The following UMAD1 variants were observed in gnomAD, a reference collection of about 807,000 sequenced individuals.
The protein encoded by UMAD1 is UBAP1-MVB12-associated (UMA)-domain containing protein 1.
UMAD1 carries 8 observed loss-of-function variants against 6.1 expected under a neutral mutation model. The ratio of observed to expected loss-of-function variants is 1.30; its 90% CI spans 0.76 to 2.35. The LOEUF (loss-of-function observed/expected upper bound fraction) is 2.35. Ranked by LOEUF, UMAD1 falls within the 30% of genes most tolerant of loss-of-function variation. The pLI is 0.00. For missense variants in UMAD1, 130 were observed against 78.4 expected (o/e 1.66, Z -2.49); for synonymous variants, 56 against 31.4 (o/e 1.78, Z -2.61).
intron 3 of UMAD1, among the ~76,000 whole-genome samples, chr7:7,811,080 C>T (rs1393884359): frequency 6.6e-6 from 1 of 152,152 alleles, no homozygotes; most frequent in Non-Finnish European, 1.5e-5. Flanking sequence ...CATATTTTCC[C>T]CCGCAAAAGT....
intron 2 of UMAD1, among the ~76,000 whole-genome samples, chr7:7,674,604 C>G (rs945961503): frequency 5.3e-5 from 8 of 152,134 alleles, no homozygotes; most frequent in African/African-American, 1.4e-4. Flanking sequence ...AGTCTTTGAC[C>G]AGGGCTGATG....
At chr7:7,814,140 C>G (rs1010547042) in intron 3 of UMAD1, among the ~76,000 whole-genome samples, 1 of 152,042 alleles carries the variant, frequency 6.6e-6, no homozygotes, top group African/African-American at 2.4e-5. Flanking sequence ...CCCAACACCA[C>G]GCCCAGCTAA....
chr7:7,807,082 C>G (rs941125776), intron 3 of UMAD1, among the ~76,000 whole-genome samples: 2 of 152,108 alleles, frequency 1.3e-5, no homozygotes, highest in African/African-American at 4.8e-5. Context: ...CCCAGTGACT[C>G]TGACTTACTG....
chr7:7,815,302 A>G (rs957430717), intron 3 of UMAD1, among the ~76,000 whole-genome samples: 17 of 152,172 alleles, frequency 1.1e-4, no homozygotes, highest in South Asian at 2.1e-4. Flanking sequence ...TTGTATGTCT[A>G]TATACACAGT....
chr7:7,789,569 C>T (rs1172894149), intron 2 of UMAD1, among the ~76,000 whole-genome samples: 2 of 151,314 alleles, frequency 1.3e-5, no homozygotes, highest in Non-Finnish European at 2.9e-5. Context: ...TACAACAGAT[C>T]TCTAGAACTA....
At chr7:7,861,022 C>G (rs1784106992) in intron 3 of UMAD1, among the ~76,000 whole-genome samples, 1 of 151,900 alleles carries the variant, frequency 6.6e-6, no homozygotes, top group African/African-American at 2.4e-5. Flanking sequence ...TTGTATGGTT[C>G]CATTTATATA....
intron 2 of UMAD1, among the ~76,000 whole-genome samples, chr7:7,728,838 T>C (rs1231458426): frequency 2.0e-5 from 3 of 152,178 alleles, no homozygotes; most frequent in Non-Finnish European, 4.4e-5. Flanking sequence ...TATTCAACAA[T>C]ATTTATAGTG....
chr7:7,737,984 A>G lies in UMAD1; in HGVS notation c.83-63686A>G, dbSNP rs115089228. On this transcript the variant is annotated intron_variant, in intron 2 of 3. Transcript: ENST00000682710. ...AGTGTCACTAAAACTTTGTCCTGCT[A>G]GTCACCTTAAAACAGACAGCATAAC... Among the ~76,000 whole-genome samples the G allele has an allele frequency of 9.6e-3, 1,465 of 152,348 alleles. 26 individuals carry two copies. The highest frequency in any genetic ancestry group is 0.034 in the African/African-American group (1,404 of 41,588).
chr7:7,670,383 A>G lies in UMAD1; in HGVS notation c.-63-2926A>G, dbSNP rs761070621. Among the ~76,000 whole-genome samples, 4 of 152,168 alleles carry G rather than the reference A, an allele frequency of 2.6e-5. No homozygotes were observed. In the South Asian group the frequency reaches 8.3e-4, roughly 32 times the overall value. On this transcript the variant is annotated intron_variant, in intron 1 of 3. Coordinates refer to ENST00000682710, the MANE Select transcript of UMAD1 (RefSeq NM_001302348.2). ...TATACAAAAGTTCTTGTAGCACTCT[A>G]ATGGCATGTGGCACAGTGAACAAGG...
chr7:7,861,061 GA>G (rs1199925959), intron 3 of UMAD1, among the ~76,000 whole-genome samples: 7 of 152,108 alleles, frequency 4.6e-5, no homozygotes, highest in African/African-American at 1.7e-4. Context: ...AATATATAGA[GA>G]CAAAAAGTGT....
intron 2 of UMAD1, chr7:7,689,308 T>A (rs1780116787): frequency 6.6e-6 from 1 of 152,170 alleles, no homozygotes; most frequent in Admixed American, 6.5e-5. Flanking sequence ...TGATGATGTT[T>A]TATCTATCAT....
intron 2 of UMAD1, among the ~76,000 whole-genome samples, chr7:7,713,475 C>T (rs986859537): frequency 6.6e-6 from 1 of 151,972 alleles, no homozygotes; most frequent in Admixed American, 6.5e-5. Flanking sequence ...CTCCTCCCCC[C>T]CATGGCAATA....
chr7:7,777,583 A>G, intron 2 of UMAD1, among the ~76,000 whole-genome samples: 1 of 143,696 alleles, frequency 7.0e-6, no homozygotes, highest in Non-Finnish European at 1.5e-5. Context: ...AAATATATAT[A>G]TATATATATA....
At chr7:7,721,698 T>G (rs1020850229) in intron 2 of UMAD1, among the ~76,000 whole-genome samples, 19 of 152,294 alleles carry the variant, frequency 1.2e-4, no homozygotes, top group South Asian at 2.1e-4. Flanking sequence ...TGATCTTTTT[T>G]GTGATTGTCC....
intron 2 of UMAD1, among the ~76,000 whole-genome samples, chr7:7,697,951 A>T (rs1452057379): frequency 6.6e-6 from 1 of 152,156 alleles, no homozygotes; most frequent in Non-Finnish European, 1.5e-5. Context: ...TGAAATAAAA[A>T]CTTTGGGGAG....
chr7:7,731,879 G>A (rs1322298811), intron 2 of UMAD1, among the ~76,000 whole-genome samples: 1 of 152,134 alleles, frequency 6.6e-6, no homozygotes, highest in Non-Finnish European at 1.5e-5. Flanking sequence ...TGGCTTTGAA[G>A]TTTATTTCCT....
chr7:7,659,298 A>G (rs1302786380), intron 1 of UMAD1, among the ~76,000 whole-genome samples: 5 of 148,776 alleles, frequency 3.4e-5, no homozygotes, highest in South Asian at 4.3e-4. Context: ...TCATGTCTCT[A>G]TCTCCTTCAT....
chr7:7,758,048 G>A (rs944570016), intron 2 of UMAD1, among the ~76,000 whole-genome samples: 1 of 151,832 alleles, frequency 6.6e-6, no homozygotes, highest in Admixed American at 6.6e-5. Flanking sequence ...GCTTGTTTGG[G>A]TTTTTTTAAA....
At chr7:7,658,216 A>T (rs564645662) in intron 1 of UMAD1, among the ~76,000 whole-genome samples, 2 of 152,344 alleles carry the variant, frequency 1.3e-5, no homozygotes, top group East Asian at 3.9e-4. Flanking sequence ...TTGGGCTGAG[A>T]CGATGGGGTT....
Sources: gnomAD v4.1 joint callset for allele counts (sites outside exome capture counted in the v4.1 genomes callset) on GRCh38, gnomAD v4.1.1 for gene constraint, MANE v1.5 for transcripts, NCBI Gene and HGNC (gene_info 2026-07-23, HGNC 2026-07-21) for gene names.